Variants in NCS1 observed in about 807,000 individuals in gnomAD.
The protein encoded by NCS1 is frequenin homolog.
NCS1 carries 6 observed loss-of-function variants against 28.4 expected under a neutral mutation model. The observed-to-expected ratio is 0.21, with a 90% confidence interval of 0.12 to 0.42. The LOEUF is 0.42. NCS1 is among the 10% of genes least tolerant of loss of function. The pLI, the probability that NCS1 is intolerant of heterozygous loss-of-function variation, is 1.00. For synonymous variants in NCS1, 86 were observed against 99.3 expected, an observed-to-expected ratio of 0.87 and a Z score of 0.79; for missense variants, 131 against 241.4, an observed-to-expected ratio of 0.54 and a Z score of 3.03.
chr9:130,189,474 G>A (rs904220779), intron 1 of NCS1, among the ~76,000 whole-genome samples: 7 of 152,144 alleles, frequency 4.6e-5, no homozygotes, highest in African/African-American at 1.4e-4. Flanking sequence ...ATCCCTGAGT[G>A]CCGGGGTCGG....
chr9:130,226,503 G>A lies in NCS1; in HGVS notation c.*16G>A. On this transcript the variant is annotated splice_region_variant and 3_prime_UTR_variant, in exon 7 of 8. Transcript: ENST00000372398. This position sits in a 1 kb window ranked among gnomAD's most constrained non-coding sequence, Gnocchi z 4.8. ...GCTGGTATAGTCCCAGGCTGGAGCTGGGTGAGTGCAGACTCGGGGCCTGGG... is the reference window on the plus strand; with the variant it reads ...GCTGGTATAGTCCCAGGCTGGAGCTAGGTGAGTGCAGACTCGGGGCCTGGG... 6.2e-7 allele frequency: 1 copy of A among 1,609,006 alleles called. No homozygotes were observed. The highest frequency in any genetic ancestry group is 8.5e-7 in the Non-Finnish European group (1 of 1,176,856).
Position 130,196,932 on chromosome 9 carries a change from G to A in NCS1, c.65-4026G>A, listed in dbSNP as rs144413419. ...ATCTTGAGTTACATTTGGTTGCCTCGTCTGTTTAGACTCTTTTTTTCTGGA... is the reference window on the plus strand; with the variant it reads ...ATCTTGAGTTACATTTGGTTGCCTCATCTGTTTAGACTCTTTTTTTCTGGA... On this transcript the variant is annotated intron_variant, in intron 1 of 7. Coordinates refer to ENST00000372398, the MANE Select transcript of NCS1 (RefSeq NM_014286.4). 7.6e-4 allele frequency among the ~76,000 whole-genome samples: 116 copies of A among 152,260 alleles called. 2 individuals are homozygous for A. Among genetic ancestry groups the A allele is most frequent in the African/African-American group, 2.7e-3 (112 of 41,536 alleles).
chr9:130,195,798 C>T (rs572674563), intron 1 of NCS1, among the ~76,000 whole-genome samples: 6 of 152,194 alleles, frequency 3.9e-5, no homozygotes, highest in African/African-American at 1.4e-4. Context: ...CCTGGCAGAG[C>T]ACAAAGGCCT....
At chr9:130,217,681 G>T (rs1448795301) in intron 2 of NCS1, 151 bp from the exon 3 acceptor site, 3 of 1,099,550 alleles carry the variant, frequency 2.7e-6, no homozygotes, top group African/African-American at 1.5e-5. Context: ...GTGGGACTGC[G>T]CCTGTGCCTA....
At chr9:130,202,556 C>T (rs1046302476) in intron 2 of NCS1, among the ~76,000 whole-genome samples, 4 of 148,876 alleles carry the variant, frequency 2.7e-5, no homozygotes, top group Admixed American at 6.8e-5. Context: ...CAACAGGCAT[C>T]GTCCTTGGTG....
intron 2 of NCS1, among the ~76,000 whole-genome samples, chr9:130,208,041 G>A (rs1833051639): frequency 6.6e-6 from 1 of 152,086 alleles, no homozygotes; most frequent in Non-Finnish European, 1.5e-5. Context: ...AGAAATGGCA[G>A]ATCCCAGGCC....
At position 130,173,199 on chromosome 9, in the gene NCS1, T is replaced by TGGG. The variant is rs372844368; in HGVS notation, c.64+481_64+483dup. Among the ~76,000 whole-genome samples, 898 of 119,734 alleles carry TGGG rather than the reference T, an allele frequency of 7.5e-3. 6 individuals are homozygous for TGGG. Among genetic ancestry groups the TGGG allele is most frequent in the Admixed American group, 0.012 (162 of 13,006 alleles). The allele number at this position is 119,734 out of a possible 152,430, so 78.6% of individuals were successfully genotyped here. Reference sequence around the variant, plus strand: ...CGCCCCCTCCCTGGCCCCGTTCGTGTGGGGGGGGGGGTGGCGAGACTTGGC... The same window carrying TGGG: ...CGCCCCCTCCCTGGCCCCGTTCGTGTGGGGGGGGGGGGGGTGGCGAGACTTGGC... On this transcript the variant is annotated intron_variant, in intron 1 of 7. Transcript: ENST00000372398.
At chr9:130,185,962 C>G (rs868993794) in intron 1 of NCS1, among the ~76,000 whole-genome samples, 1 of 152,238 alleles carries the variant, frequency 6.6e-6, no homozygotes, top group African/African-American at 2.4e-5. Flanking sequence ...CTAGGTGCCC[C>G]GGCCATGATT....
intron 1 of NCS1, among the ~76,000 whole-genome samples, chr9:130,178,240 G>A (rs549102490): frequency 9.2e-5 from 14 of 152,314 alleles, no homozygotes; most frequent in Admixed American, 3.3e-4. Flanking sequence ...CAGGGCAGGT[G>A]GCCTGTGGCC....
At chr9:130,189,000 AGCCACTGG>A (rs1196452551) in intron 1 of NCS1, among the ~76,000 whole-genome samples, 3 of 152,236 alleles carry the variant, frequency 2.0e-5, no homozygotes, top group African/African-American at 4.8e-5. Context: ...TACAGGCATG[AGCCACTGG>A]GCCCAGCTGA....
intron 2 of NCS1, among the ~76,000 whole-genome samples, chr9:130,207,885 G>T (rs564588649): frequency 1.4e-4 from 22 of 152,296 alleles, no homozygotes; most frequent in Non-Finnish European, 2.9e-4. Flanking sequence ...GGTAGAGCCG[G>T]CATTGGTGTC....
At position 130,226,856 on chromosome 9, in the gene NCS1, C is replaced by A. The variant is rs1331154700; in HGVS notation, c.*17+352C>A. ...CCTGACCAACATGGTGAAACCCCGT[C>A]TCTACTAAAAATACAAAAATCAGGC... On this transcript the variant is annotated intron_variant, in intron 7 of 7. Transcript: ENST00000372398. This position sits in a 1 kb window ranked among gnomAD's most constrained non-coding sequence, Gnocchi z 4.8. Among the ~76,000 whole-genome samples the A allele has an allele frequency of 1.3e-5, 2 of 151,918 alleles. No individual in the cohort carries two copies. The highest frequency in any genetic ancestry group is 4.8e-5 in the African/African-American group (2 of 41,352).
Position 130,209,733 on chromosome 9 carries a change from T to C in NCS1, c.90-8099T>C, listed in dbSNP as rs534607632. ...AGGATTTTTATGAAATGAGGTTTCT[T>C]TTCTCCCCTGCCCTTTTAAAGAAGT... On this transcript the variant is annotated intron_variant, in intron 2 of 7. Coordinates refer to ENST00000372398, the MANE Select transcript of NCS1 (RefSeq NM_014286.4). This position sits in a 1 kb window ranked among gnomAD's most constrained non-coding sequence, Gnocchi z 4.4. 1.3e-5 allele frequency among the ~76,000 whole-genome samples: 2 copies of C among 152,288 alleles called. No homozygotes were observed. Among genetic ancestry groups the C allele is most frequent in the African/African-American group, 4.8e-5 (2 of 41,542 alleles).
Position 130,217,816 on chromosome 9 carries a change from G to T in NCS1, c.90-16G>T. On this transcript the variant is annotated splice_polypyrimidine_tract_variant and intron_variant, in intron 2 of 7. Transcript: ENST00000372398. ...GCGTCTCCTTTACCCTCTCTGGCCCGGTCTGCTGCCTCCAGGTACAAAGGC... is the reference window on the plus strand; with the variant it reads ...GCGTCTCCTTTACCCTCTCTGGCCCTGTCTGCTGCCTCCAGGTACAAAGGC... 1.2e-6 allele frequency: 2 copies of T among 1,614,088 alleles called. No individual in the cohort carries two copies. Among genetic ancestry groups the T allele is most frequent in the Non-Finnish European group, 1.7e-6 (2 of 1,180,006 alleles).
At chr9:130,195,449 T>G (rs1832865687) in intron 1 of NCS1, among the ~76,000 whole-genome samples, 1 of 151,790 alleles carries the variant, frequency 6.6e-6, no homozygotes, top group South Asian at 2.1e-4. Flanking sequence ...TTTTTTTTTT[T>G]GAGACAGTCT....
Position 130,235,741 on chromosome 9 carries a change from C to G in NCS1, c.*2769C>G, listed in dbSNP as rs1158809938. On this transcript the variant is annotated 3_prime_UTR_variant, in exon 8 of 8. Coordinates refer to ENST00000372398, the MANE Select transcript of NCS1 (RefSeq NM_014286.4). The stretch of plus-strand genomic sequence containing the variant: ...TCTGCCCCCTCCTCTCCCCAGGCCT[C>G]TGGCTGCAGTGATGCCGCAGAATCC... 1 of 152,638 alleles carries G rather than the reference C, an allele frequency of 6.6e-6. No individual in the cohort carries two copies. Among genetic ancestry groups the G allele is most frequent in the African/African-American group, 2.4e-5 (1 of 41,468 alleles). The allele number at this position is 152,638 out of a possible 1,614,324, so 9.5% of individuals were successfully genotyped here. A position where few individuals can be genotyped will look rare whatever the true frequency, so the allele number is the denominator to read the frequency against.
At chr9:130,218,079 C>G in intron 3 of NCS1, 109 bp downstream of exon 3, 1 of 1,413,344 alleles carries the variant, frequency 7.1e-7, no homozygotes, top group Non-Finnish European at 9.9e-7. Flanking sequence ...AGAGAAGGAA[C>G]ACACACACGA....
Position 130,233,783 on chromosome 9 carries a change from A to G in NCS1, c.*811A>G, listed in dbSNP as rs1833533511. 1 of 152,490 alleles carries G rather than the reference A, an allele frequency of 6.6e-6. No homozygotes were observed. The highest frequency in any genetic ancestry group is 2.1e-4 in the South Asian group (1 of 4,810). 9.4% of individuals were successfully genotyped at this position (152,490 alleles called of 1,614,324 possible). On this transcript the variant is annotated 3_prime_UTR_variant, in exon 8 of 8. Coordinates refer to ENST00000372398, the MANE Select transcript of NCS1 (RefSeq NM_014286.4). This position sits in a 1 kb window ranked among gnomAD's most constrained non-coding sequence, Gnocchi z 4.8. ...GGAGGATGGTGGCCTGCAGCGGCCA[A>G]GAAGCCAAAAAAAATTTTTTTTTTT... is the stretch of plus-strand genomic sequence containing the variant.
Position 130,224,048 on chromosome 9 carries a change from G to A in NCS1, c.474+889G>A, listed in dbSNP as rs187279288. On this transcript the variant is annotated intron_variant, in intron 6 of 7. Coordinates refer to ENST00000372398, the MANE Select transcript of NCS1 (RefSeq NM_014286.4). ...TTTTTAGTAGAGACGGGATTTCACC[G>A]TGTTAGCCAGGATGGTCTCGATCTC... Among the ~76,000 whole-genome samples the A allele has an allele frequency of 3.8e-3, 572 of 151,648 alleles. 2 individuals carry two copies. Among genetic ancestry groups the A allele is most frequent in the African/African-American group, 0.013 (526 of 41,422 alleles).
Sources: gnomAD v4.1 joint callset for allele counts (sites outside exome capture counted in the v4.1 genomes callset) on GRCh38, gnomAD v4.1.1 for gene constraint, Gnocchi (gnomAD v3.1) non-coding constraint, MANE v1.5 for transcripts, NCBI Gene and HGNC (gene_info 2026-07-23, HGNC 2026-07-21) for gene names.